The following MYCBP2 variants were observed in gnomAD, a reference collection of about 807,000 sequenced individuals.
MYCBP2 encodes E3 ubiquitin-protein ligase MYCBP2.
Under a neutral mutation model 525.3 loss-of-function variants are expected in MYCBP2, and 120 were observed. The observed-to-expected ratio is 0.23, with a 90% CI of 0.20 to 0.27. MYCBP2 has a LOEUF of 0.27. Ranked by LOEUF, MYCBP2 falls within the 10% of genes least tolerant of loss-of-function variation. The probability of loss-of-function intolerance (pLI) is 1.00; values close to 1 mark genes in which losing one functional copy is unlikely to be tolerated. For synonymous variants in MYCBP2, 1,894 were observed against 1,955.8 expected (o/e 0.97, Z 0.83); for missense variants, 4,149 against 5,657.1 (o/e 0.73, Z 8.55).
chr13:77,087,345 C>T, intron 62 of MYCBP2, 139 bp downstream of exon 62: 2 of 733,446 alleles, frequency 2.7e-6, no homozygotes, highest in South Asian at 3.8e-5. Context: ...ATTATTAATA[C>T]TTTGCCCATA....
chr13:77,077,384 C>A lies in MYCBP2; in HGVS notation c.11488G>T (p.Asp3830Tyr). ...CAGCCAATGTGCCTGGAATCCAGAT[C>A]AACCTGGTTGAGTAGAAAAGAGGCA... ...VEDLCRIKQV[D>Y]LDSRHIGWVT... Residue 3830 changes from aspartate (D) to tyrosine (Y), a missense_variant, in exon 67 of 83, where the codon GAT becomes TAT. By Grantham distance (160) the Asp-to-Tyr change is radical (BLOSUM62 -3). Coordinates refer to ENST00000544440, the MANE Select transcript of MYCBP2 (RefSeq NM_015057.5). 1 of 1,613,864 alleles carries A rather than the reference C, an allele frequency of 6.2e-7. No homozygotes were observed. The highest frequency in any genetic ancestry group is 1.1e-5 in the South Asian group (1 of 91,058).
chr13:77,320,435 CTCT>C (rs1414752034), intron 1 of MYCBP2, among the ~76,000 whole-genome samples: 1 of 152,158 alleles, frequency 6.6e-6, no homozygotes, highest in Non-Finnish European at 1.5e-5. Context: ...TGAAGGCCAA[CTCT>C]TCTTTGCAGA....
intron 58 of MYCBP2, among the ~76,000 whole-genome samples, chr13:77,094,199 C>A (rs533534283): frequency 6.6e-6 from 1 of 152,098 alleles, no homozygotes; most frequent in South Asian, 2.1e-4. Context: ...AACTGTTGGT[C>A]GGCAAGCCAT....
chr13:77,092,081 GA>G (rs5804892), intron 59 of MYCBP2, among the ~76,000 whole-genome samples: 55 of 144,554 alleles, frequency 3.8e-4, no homozygotes, highest in African/African-American at 1.2e-3. Context: ...TATTTTTAAT[GA>G]AAAAAAAAAA....
chr13:77,296,808 A>T, intron 1 of MYCBP2, 134 bp from the exon 2 acceptor site: 1 of 672,790 alleles, frequency 1.5e-6, no homozygotes, highest in Non-Finnish European at 2.3e-6. Flanking sequence ...GAAACAATAT[A>T]CTTTACATAC....
chr13:77,253,003 A>G (rs1056290157), intron 14 of MYCBP2, among the ~76,000 whole-genome samples: 1 of 152,066 alleles, frequency 6.6e-6, no homozygotes, highest in African/African-American at 2.4e-5. Context: ...TGGAAAATAA[A>G]ATCTCTCACC....
intron 3 of MYCBP2, 118 bp from the exon 4 acceptor site, chr13:77,279,029 G>T: frequency 1.7e-6 from 1 of 577,816 alleles, no homozygotes; most frequent in Non-Finnish European, 2.6e-6. Flanking sequence ...GTATAATGGA[G>T]CCATAATAAA....
intron 51 of MYCBP2, 35 bp downstream of exon 51, chr13:77,140,012 C>A: frequency 6.8e-7 from 1 of 1,475,376 alleles, no homozygotes; most frequent in South Asian, 1.2e-5. Context: ...ACTTTCTGTC[C>A]AAAATTTACT....
chr13:77,326,410 C>A lies in MYCBP2; in HGVS notation c.302+64G>T. The A allele has an allele frequency of 4.8e-6, 7 of 1,454,582 alleles. No individual in the cohort carries two copies. The highest frequency in any genetic ancestry group is 1.5e-5 in the African/African-American group (1 of 67,996). 90.1% of individuals were successfully genotyped at this position (1,454,582 alleles called of 1,614,324 possible). On this transcript the variant is annotated intron_variant, in intron 1 of 82. Coordinates refer to ENST00000544440, the MANE Select transcript of MYCBP2 (RefSeq NM_015057.5). This position sits in a 1 kb window ranked among gnomAD's most constrained non-coding sequence, Gnocchi z 4.2. ...GCAAGCACACACACACGCGGGTGCA[C>A]GCGCGGCATGGGGCGCAAGGAAGGG...
At chr13:77,202,204 G>C (rs1028500509) in intron 26 of MYCBP2, among the ~76,000 whole-genome samples, 10 of 152,058 alleles carry the variant, frequency 6.6e-5, no homozygotes, top group African/African-American at 2.2e-4. Context: ...AATGATAAAG[G>C]GGATATCATC....
intron 45 of MYCBP2, among the ~76,000 whole-genome samples, chr13:77,157,435 AC>A (rs2154200080): frequency 6.6e-6 from 1 of 152,198 alleles, no homozygotes; most frequent in South Asian, 2.1e-4. Flanking sequence ...TGTTGGCCAG[AC>A]TTGTCTTCAA....
chr13:77,194,793 C>G (rs2061598131), intron 26 of MYCBP2, among the ~76,000 whole-genome samples: 1 of 151,782 alleles, frequency 6.6e-6, no homozygotes, highest in African/African-American at 2.4e-5. Context: ...ATATTAGCTA[C>G]AGAGAGAGAA....
At chr13:77,258,038 A>T (rs989574776) in intron 13 of MYCBP2, among the ~76,000 whole-genome samples, 60 of 152,196 alleles carry the variant, frequency 3.9e-4, no homozygotes, top group African/African-American at 1.4e-3. Flanking sequence ...ATTATCATCC[A>T]GACTTGGGAC....
intron 4 of MYCBP2, among the ~76,000 whole-genome samples, chr13:77,274,148 G>T (rs924185590): frequency 6.6e-6 from 1 of 152,182 alleles, no homozygotes; most frequent in East Asian, 1.9e-4. Flanking sequence ...CACTTAGGAT[G>T]TAATTCATTT....
intron 67 of MYCBP2, 31 bp downstream of exon 67, chr13:77,077,117 C>T (rs760009364): frequency 5.0e-6 from 8 of 1,597,622 alleles, no homozygotes; most frequent in African/African-American, 1.3e-5. Context: ...ATCAATTATC[C>T]TGTGCTAGAA....
intron 17 of MYCBP2, among the ~76,000 whole-genome samples, chr13:77,238,003 G>T (rs959760650): frequency 6.6e-6 from 1 of 152,030 alleles, no homozygotes; most frequent in African/African-American, 2.4e-5. Flanking sequence ...CAGCACTTTG[G>T]GAGGCCAAGG....
At chr13:77,254,610 A>G (rs1318435346) in intron 14 of MYCBP2, among the ~76,000 whole-genome samples, 1 of 151,872 alleles carries the variant, frequency 6.6e-6, no homozygotes, top group East Asian at 1.9e-4. Context: ...GATAACTGGG[A>G]TATTCTAAAT....
chr13:77,316,756 G>A lies in MYCBP2; in HGVS notation c.302+9718C>T, dbSNP rs142270230. 1.0e-3 allele frequency among the ~76,000 whole-genome samples: 155 copies of A among 152,158 alleles called. 1 individual carries two copies. The highest frequency in any genetic ancestry group is 3.6e-3 in the African/African-American group (150 of 41,506). The stretch of plus-strand genomic sequence containing the variant: ...ATGGCTAGTATTTCTGTTGGTCCAG[G>A]TGGCTGACTTCATGGGGTGGTCACT... On this transcript the variant is annotated intron_variant, in intron 1 of 82. Coordinates refer to ENST00000544440, the MANE Select transcript of MYCBP2 (RefSeq NM_015057.5).
chr13:77,270,618 T>C (rs935777366), intron 5 of MYCBP2, 80 bp from the exon 6 acceptor site: 1 of 1,324,514 alleles, frequency 7.5e-7, no homozygotes, highest in Middle Eastern at 2.0e-4. Context: ...TGGTAATACA[T>C]CATCATTCAT....
Sources: allele counts gnomAD v4.1 joint callset (sites outside exome capture counted in the v4.1 genomes callset), GRCh38; gene constraint gnomAD v4.1.1; non-coding constraint Gnocchi (gnomAD v3.1); transcripts MANE v1.5; gene names NCBI Gene and HGNC (gene_info 2026-07-23, HGNC 2026-07-21).